The following MTBP variants were observed in gnomAD, a reference collection of about 807,000 sequenced individuals.
MTBP encodes MDM2 binding protein.
In MTBP, 101 loss-of-function variants were observed where a neutral mutation model predicts 117.0. That is an observed-to-expected ratio of 0.86 (90% CI 0.73 to 1.02). MTBP has a LOEUF of 1.02. MTBP is among the 50% of genes least tolerant of loss of function. MTBP has a pLI of 0.00. For synonymous variants in MTBP, 350 were observed against 351.5 expected (o/e 1.00, Z 0.05); for missense variants, 970 against 1,030.9 (o/e 0.94, Z 0.81).
intron 11 of MTBP, among the ~76,000 whole-genome samples, chr8:120,485,834 A>C (rs1169038409): frequency 6.6e-6 from 1 of 152,138 alleles, no homozygotes; most frequent in Non-Finnish European, 1.5e-5. Context: ...ATTTTAATGA[A>C]GTCTGTTTGA....
At chr8:120,521,153 T>C (rs559908788) in intron 20 of MTBP, among the ~76,000 whole-genome samples, 2 of 152,134 alleles carry the variant, frequency 1.3e-5, no homozygotes, top group Non-Finnish European at 2.9e-5. Context: ...ACTGAGAGAT[T>C]ATCCTGTATA....
chr8:120,445,458 G>A lies in MTBP; in HGVS notation c.-13G>A. 6.2e-7 allele frequency: 1 copy of A among 1,607,566 alleles called. No individual in the cohort carries two copies. Among genetic ancestry groups the A allele is most frequent in the East Asian group, 2.2e-5 (1 of 44,826 alleles). On this transcript the variant is annotated 5_prime_UTR_variant, in exon 1 of 22. An upstream open reading frame in the 5' UTR loses its in-frame stop. Coordinates refer to ENST00000305949, the MANE Select transcript of MTBP (RefSeq NM_022045.5). ...AAGCCGAGACCTAAAGTTGGGGGGTGATCTCTGAGGAGATGGATCGGTACC... is the reference window on the plus strand; with the variant it reads ...AAGCCGAGACCTAAAGTTGGGGGGTAATCTCTGAGGAGATGGATCGGTACC...
At chr8:120,469,421 T>C (rs1002452563) in intron 10 of MTBP, among the ~76,000 whole-genome samples, 7 of 152,194 alleles carry the variant, frequency 4.6e-5, no homozygotes, top group African/African-American at 1.7e-4. Context: ...TGCAACTTCT[T>C]GTGTAGTTGC....
chr8:120,502,621 A>T lies in MTBP; in HGVS notation c.1727+12A>T, dbSNP rs1294361024. ...AAACAAAAAATGAGGTAATATTTGA[A>T]TCTGTAGTAAAGCATGTGATAGCTC... On this transcript the variant is annotated intron_variant, in intron 15 of 21. Transcript: ENST00000305949. The T allele has an allele frequency of 6.7e-7, 1 of 1,495,830 alleles. No homozygotes were observed. The highest frequency in any genetic ancestry group is 9.2e-7 in the Non-Finnish European group (1 of 1,083,864). The allele number at this position is 1,495,830 out of a possible 1,614,324, so 92.7% of individuals were successfully genotyped here.
At chr8:120,450,659 G>T (rs1423984782) in intron 2 of MTBP, among the ~76,000 whole-genome samples, 1 of 152,034 alleles carries the variant, frequency 6.6e-6, no homozygotes, top group African/African-American at 2.4e-5. Context: ...TGACTTACAT[G>T]GTTTTGCTTT....
intron 11 of MTBP, among the ~76,000 whole-genome samples, chr8:120,476,486 T>C (rs1316622252): frequency 1.3e-5 from 2 of 152,106 alleles, no homozygotes; most frequent in Non-Finnish European, 2.9e-5. Flanking sequence ...GCAGGCAACA[T>C]GATTGTATAT....
chr8:120,490,024 C>A (rs1464356611), intron 12 of MTBP, among the ~76,000 whole-genome samples: 1 of 152,148 alleles, frequency 6.6e-6, no homozygotes, highest in African/African-American at 2.4e-5. Context: ...AGAGACACGG[C>A]TAAGGCTATC....
chr8:120,512,296 T>C (rs1206254659), intron 17 of MTBP, among the ~76,000 whole-genome samples: 4 of 152,168 alleles, frequency 2.6e-5, no homozygotes, highest in African/African-American at 9.6e-5. Context: ...ATAAACACAC[T>C]GAAGCACTGA....
rs762970051 is a variant in MTBP at position 120,451,187 on chromosome 8, G to A, written c.290G>A (p.Trp97Ter). The A allele has an allele frequency of 2.5e-6, 4 of 1,605,318 alleles. No homozygotes were observed. The Admixed American group carries it at 5.1e-5, about 20-fold the overall frequency. The change falls in exon 4 of 22, where the codon TGG becomes TAG. Residue 97 changes from tryptophan (W) to a stop codon, truncating the protein, a stop_gained. Coordinates refer to ENST00000305949, the MANE Select transcript of MTBP (RefSeq NM_022045.5). LOFTEE classifies it high-confidence loss of function. Reference protein sequence around the residue: ...YGFYQFCSSDWQEIHFDTEKD... With the variant: ...YGFYQFCSSD ...ATTTGTTAGTTTTGTAGTTCTGATT[G>A]GCAAGAGATACATTTTGATACAGAA... is the stretch of plus-strand genomic sequence containing the variant.
At chr8:120,490,217 G>T (rs1814315099) in intron 12 of MTBP, among the ~76,000 whole-genome samples, 1 of 152,096 alleles carries the variant, frequency 6.6e-6, no homozygotes, top group South Asian at 2.1e-4. Context: ...ATTCTACTTT[G>T]CTATCTAAAT....
rs1418318709 is a variant in MTBP at position 120,508,464 on chromosome 8, C to T, written c.1884-1470C>T. 5.3e-5 allele frequency among the ~76,000 whole-genome samples: 8 copies of T among 152,040 alleles called. No individual in the cohort carries two copies. In the East Asian group the frequency reaches 5.8e-4, roughly 11 times the overall value. ...TTTACAAAATTATTTTAATAATCATCGAAATACTGGGGTCATTGTAATTTA... is the reference window on the plus strand; with the variant it reads ...TTTACAAAATTATTTTAATAATCATTGAAATACTGGGGTCATTGTAATTTA... On this transcript the variant is annotated intron_variant, in intron 16 of 21. Coordinates refer to ENST00000305949, the MANE Select transcript of MTBP (RefSeq NM_022045.5).
chr8:120,487,641 C>T (rs138913680), intron 11 of MTBP, among the ~76,000 whole-genome samples: 54 of 152,312 alleles, frequency 3.5e-4, no homozygotes, highest in African/African-American at 1.1e-3. Context: ...ATATACTAGA[C>T]GCTGTCTTAA....
Position 120,518,118 on chromosome 8 carries a change from A to C in MTBP, c.2496+18A>C, listed in dbSNP as rs1814952939. 7.5e-6 allele frequency: 12 copies of C among 1,603,786 alleles called. No individual in the cohort carries two copies. The highest frequency in any genetic ancestry group is 1.0e-5 in the Non-Finnish European group (12 of 1,174,994). On this transcript the variant is annotated intron_variant, in intron 19 of 21. Coordinates refer to ENST00000305949, the MANE Select transcript of MTBP (RefSeq NM_022045.5). ...ACACACGGGTAAAGATTTATTTCCC[A>C]TTTTTCTTAGTTCTACATAGGAAGA...
At chr8:120,473,244 A>G (rs539770644) in intron 11 of MTBP, 1 of 152,040 alleles carries the variant, frequency 6.6e-6, no homozygotes, top group South Asian at 2.1e-4. Flanking sequence ...AATATTTTCA[A>G]TTCGTGGTTG....
chr8:120,464,931 G>A (rs1262962340), intron 10 of MTBP, among the ~76,000 whole-genome samples: 1 of 151,766 alleles, frequency 6.6e-6, no homozygotes, highest in Admixed American at 6.6e-5. Context: ...CATTTTAGGG[G>A]ACCAACAGAA....
At position 120,488,422 on chromosome 8, in the gene MTBP, A is replaced by T. The variant is rs1016065644; in HGVS notation, c.1339+90A>T. The T allele has an allele frequency of 4.9e-5, 45 of 927,224 alleles. No homozygotes were observed. The South Asian group carries it at 7.9e-4, about 16-fold the overall frequency. 57.4% of individuals were successfully genotyped at this position (927,224 alleles called of 1,614,324 possible). A position where few individuals can be genotyped will look rare whatever the true frequency, so the allele number is the denominator to read the frequency against. ...GCTTTAAGTAGAAGAAATACTAAAC[A>T]TTTAATGAATTTATTTTCGCCAAAC... On this transcript the variant is annotated intron_variant, in intron 12 of 21. Transcript: ENST00000305949.
At chr8:120,479,706 T>C (rs1202553860) in intron 11 of MTBP, among the ~76,000 whole-genome samples, 1 of 152,190 alleles carries the variant, frequency 6.6e-6, no homozygotes, top group Non-Finnish European at 1.5e-5. Flanking sequence ...GAGAGATCTC[T>C]CAACTATTTG....
chr8:120,498,473 G>T (rs1219183177), intron 14 of MTBP, among the ~76,000 whole-genome samples: 1 of 152,198 alleles, frequency 6.6e-6, no homozygotes, highest in Non-Finnish European at 1.5e-5. Context: ...TTATAGCATG[G>T]ACTCTGGAGC....
In MTBP at chr8:120,451,242, G is replaced by A. The variant is rs533163097; in HGVS notation, c.345G>A (p.Thr115=). Residue 115 remains threonine (T), a synonymous_variant, in exon 4 of 22, where the codon ACG becomes ACA. Transcript: ENST00000305949. ...EKDKIEDVLQ[T]NIEECLGAVE... is the part of the protein sequence containing the mutation. ...ATAAAATTGAAGATGTTCTTCAAACGAATATCGAAGAATGTTTGGGTGCTG... is the reference window on the plus strand; with the variant it reads ...ATAAAATTGAAGATGTTCTTCAAACAAATATCGAAGAATGTTTGGGTGCTG... 2.2e-5 allele frequency: 36 copies of A among 1,610,486 alleles called. No individual in the cohort carries two copies. In the African/African-American group the frequency reaches 2.3e-4, roughly 10 times the overall value.
Sources: allele counts gnomAD v4.1 joint callset (sites outside exome capture counted in the v4.1 genomes callset), GRCh38; gene constraint gnomAD v4.1.1; transcripts MANE v1.5; gene names NCBI Gene and HGNC (gene_info 2026-07-23, HGNC 2026-07-21).